FAXC: variants seen among roughly 807,000 people sequenced by gnomAD.
FAXC encodes failed axon connections homolog, metaxin like GST domain containing.
Under a neutral mutation model 41.9 loss-of-function variants are expected in FAXC, and 10 were observed. The ratio of observed to expected loss-of-function variants is 0.24; its 90% CI spans 0.15 to 0.41. The LOEUF is 0.41. Ranked by LOEUF, FAXC falls within the 10% of genes least tolerant of loss-of-function variation. FAXC has a pLI of 1.00. For synonymous variants in FAXC, 183 were observed against 183.8 expected, an observed-to-expected ratio of 1.00 and a Z score of 0.03; for missense variants, 399 against 510.9, an observed-to-expected ratio of 0.78 and a Z score of 2.11.
At position 99,276,553 on chromosome 6, in the gene FAXC, C is replaced by G. The variant is rs1287419715; in HGVS notation, c.*4611G>C. 1 of 152,196 alleles carries G rather than the reference C, an allele frequency of 6.6e-6. No homozygotes were observed. The highest frequency in any genetic ancestry group is 2.4e-5 in the African/African-American group (1 of 41,450). 9.4% of individuals were successfully genotyped at this position (152,196 alleles called of 1,614,324 possible). ...AATAACCTAAGAGCACTTCTTTCTT[C>G]TTTTCTGTCACTCAAGACATACTGA... is the stretch of plus-strand genomic sequence containing the variant. On this transcript the variant is annotated 3_prime_UTR_variant, in exon 6 of 6. Coordinates refer to ENST00000389677, the MANE Select transcript of FAXC (RefSeq NM_032511.4).
At chr6:99,348,333 C>T (rs1424691848) in intron 1 of FAXC, among the ~76,000 whole-genome samples, 1 of 152,232 alleles carries the variant, frequency 6.6e-6, no homozygotes, top group African/African-American at 2.4e-5. Flanking sequence ...TGGTATTACT[C>T]TACCCAAACA....
intron 4 of FAXC, among the ~76,000 whole-genome samples, chr6:99,314,603 T>C (rs1222980718): frequency 6.6e-6 from 1 of 152,080 alleles, no homozygotes; most frequent in Non-Finnish European, 1.5e-5. Flanking sequence ...CTCCAGCACA[T>C]GAAACGGATA....
At chr6:99,349,910 G>C (rs1179533584), upstream of FAXC, 4 of 152,134 alleles carry the variant, frequency 2.6e-5, no homozygotes, top group Non-Finnish European at 5.9e-5. Flanking sequence ...CCGCGAGGAA[G>C]CTGCAGTCGG....
intron 1 of FAXC, 141 bp downstream of exon 1, chr6:99,348,966 C>A: frequency 1.3e-6 from 1 of 777,580 alleles, no homozygotes; most frequent in Non-Finnish European, 2.1e-6. Flanking sequence ...CCACAAATGC[C>A]TTTAGGGAAA....
intron 4 of FAXC, among the ~76,000 whole-genome samples, chr6:99,315,470 G>A (rs1772317571): frequency 6.6e-6 from 1 of 152,030 alleles, no homozygotes; most frequent in South Asian, 2.1e-4. Context: ...TGCCCAATGT[G>A]TTCACCACCA....
At chr6:99,314,608 C>T (rs1453075446) in intron 4 of FAXC, among the ~76,000 whole-genome samples, 1 of 152,070 alleles carries the variant, frequency 6.6e-6, no homozygotes, top group African/African-American at 2.4e-5. Flanking sequence ...GCACATGAAA[C>T]GGATATAGGA....
chr6:99,293,356 C>T (rs1362122966), intron 4 of FAXC, among the ~76,000 whole-genome samples: 1 of 152,146 alleles, frequency 6.6e-6, no homozygotes, highest in East Asian at 1.9e-4. Context: ...TCTCTCTGCC[C>T]CCACAACTTA....
rs1004300450 is a variant in FAXC at position 99,271,203 on chromosome 6, C to T, written c.*9961G>A. The T allele has an allele frequency of 2.0e-5, 3 of 152,202 alleles. No homozygotes were observed. The highest frequency in any genetic ancestry group is 4.4e-5 in the Non-Finnish European group (3 of 68,048). The allele number at this position is 152,202 out of a possible 1,614,324, so 9.4% of individuals were successfully genotyped here. On this transcript the variant is annotated 3_prime_UTR_variant, in exon 6 of 6. Coordinates refer to ENST00000389677, the MANE Select transcript of FAXC (RefSeq NM_032511.4). ...ACATGTATTTTAACGACTCTGAGATCACAGCACATTGGAAAGGTAAATGAC... is the reference window on the plus strand; with the variant it reads ...ACATGTATTTTAACGACTCTGAGATTACAGCACATTGGAAAGGTAAATGAC...
At chr6:99,311,761 A>C (rs1464755976) in intron 4 of FAXC, among the ~76,000 whole-genome samples, 1 of 152,052 alleles carries the variant, frequency 6.6e-6, no homozygotes, top group Non-Finnish European at 1.5e-5. Context: ...AGTCCTCCCA[A>C]TTGTGGACAG....
Position 99,349,405 on chromosome 6 carries a change from G to A in FAXC, c.-33C>T, listed in dbSNP as rs1237161381. 6.5e-7 allele frequency: 1 copy of A among 1,535,308 alleles called. No homozygotes were observed. The highest frequency in any genetic ancestry group is 8.7e-7 in the Non-Finnish European group (1 of 1,145,182). On this transcript the variant is annotated 5_prime_UTR_variant, in exon 1 of 6. Transcript: ENST00000389677. ...GGCTGGCTCCGGGCGCCCCTCCCAG[G>A]GCCCGCGCCGCCCGCATGGGAAGGG...
chr6:99,292,644 C>T lies in FAXC; in HGVS notation c.824-824G>A, dbSNP rs147762094. Reference sequence around the variant, plus strand: ...ATTCACTGTGGGAATCTGATCATCACGTAACCTCTACAGCCTCAGTTTTCC... The same window carrying T: ...ATTCACTGTGGGAATCTGATCATCATGTAACCTCTACAGCCTCAGTTTTCC... On this transcript the variant is annotated intron_variant, in intron 4 of 5. Transcript: ENST00000389677. 7.9e-3 allele frequency among the ~76,000 whole-genome samples: 1,206 copies of T among 152,344 alleles called. 12 individuals are homozygous for T. The highest frequency in any genetic ancestry group is 0.027 in the African/African-American group (1,115 of 41,578).
At chr6:99,312,203 G>C (rs926543354) in intron 4 of FAXC, among the ~76,000 whole-genome samples, 1 of 152,212 alleles carries the variant, frequency 6.6e-6, no homozygotes, top group Non-Finnish European at 1.5e-5. Context: ...GTCCAGCTGA[G>C]GAAACACTCA....
At chr6:99,339,589 T>C (rs767586657) in intron 2 of FAXC, among the ~76,000 whole-genome samples, 1 of 152,008 alleles carries the variant, frequency 6.6e-6, no homozygotes, top group African/African-American at 2.4e-5. Flanking sequence ...TATCCTCCAA[T>C]GGATAAAGGA....
At chr6:99,289,816 A>G (rs990116495) in intron 5 of FAXC, among the ~76,000 whole-genome samples, 3 of 152,048 alleles carry the variant, frequency 2.0e-5, no homozygotes, top group Non-Finnish European at 4.4e-5. Flanking sequence ...GAACACTTAC[A>G]TTAACCTACA....
rs1264674021 is a variant in FAXC at position 99,276,380 on chromosome 6, G to C, written c.*4784C>G. On this transcript the variant is annotated 3_prime_UTR_variant, in exon 6 of 6. Transcript: ENST00000389677. ...TGGTTGCCCTATCCATGCAGAAGCG[G>C]TGGGTTTCAGGGCTGAAAGGAAGCG... 4 of 152,154 alleles carry C rather than the reference G, an allele frequency of 2.6e-5. No homozygotes were observed. Among genetic ancestry groups the C allele is most frequent in the South Asian group, 2.1e-4 (1 of 4,826 alleles). 9.4% of individuals were successfully genotyped at this position (152,154 alleles called of 1,614,324 possible).
Position 99,349,475 on chromosome 6 carries a change from G to A in FAXC, c.-103C>T. 1 of 853,296 alleles carries A rather than the reference G, an allele frequency of 1.2e-6. No homozygotes were observed. The highest frequency in any genetic ancestry group is 1.4e-6 in the Non-Finnish European group (1 of 709,566). The allele number at this position is 853,296 out of a possible 1,614,324, so 52.9% of individuals were successfully genotyped here. ...GGCTCAGAGGCGCGCGGAGGGCGCG[G>A]GCGGCGCGGGCGGCGGCGACTGAGG... On this transcript the variant is annotated 5_prime_UTR_variant, in exon 1 of 6. Transcript: ENST00000389677.
chr6:99,302,876 T>C (rs1470162079), intron 4 of FAXC, among the ~76,000 whole-genome samples: 2 of 151,524 alleles, frequency 1.3e-5, no homozygotes, highest in Non-Finnish European at 2.9e-5. Flanking sequence ...TTAAAATACT[T>C]CTGTACAAAA....
intron 4 of FAXC, among the ~76,000 whole-genome samples, chr6:99,307,829 T>C (rs1771986358): frequency 6.6e-6 from 1 of 152,158 alleles, no homozygotes; most frequent in South Asian, 2.1e-4. Context: ...CCTAAGTCAG[T>C]GTCCCTCCAC....
chr6:99,300,064 G>A (rs1338399748), intron 4 of FAXC, among the ~76,000 whole-genome samples: 8 of 151,274 alleles, frequency 5.3e-5, no homozygotes, highest in Middle Eastern at 3.2e-3. Context: ...ATCTCTTTCC[G>A]GCTCATATGA....
Sources: gnomAD v4.1 joint callset for allele counts (sites outside exome capture counted in the v4.1 genomes callset) on GRCh38, gnomAD v4.1.1 for gene constraint, MANE v1.5 for transcripts, NCBI Gene and HGNC (gene_info 2026-07-23, HGNC 2026-07-21) for gene names.